FHIT: variants seen among roughly 807,000 people sequenced by gnomAD.
FHIT encodes the protein bis(5'-adenosyl)-triphosphatase.
FHIT carries 19 observed loss-of-function variants against 17.9 expected under a neutral mutation model. That is an observed-to-expected ratio of 1.06 (90% CI 0.74 to 1.56). The LOEUF (loss-of-function observed/expected upper bound fraction) is 1.56. FHIT is among the 40% of genes most tolerant of loss of function. FHIT has a pLI of 0.00. For missense variants in FHIT, 248 were observed against 189.2 expected (o/e 1.31, Z -1.82); for synonymous variants, 81 against 69.7 (o/e 1.16, Z -0.81).
At chr3:60,789,141 GAT>G (rs1491311891) in intron 4 of FHIT, among the ~76,000 whole-genome samples, 6,622 of 117,678 alleles carry the variant, frequency 0.056, 303 homozygotes, top group African/African-American at 0.15. Flanking sequence ...TATAGAGAGA[GAT>G]GTGTGTGTGT....
intron 2 of FHIT, among the ~76,000 whole-genome samples, chr3:61,047,921 T>TA (rs2033873944): frequency 6.9e-6 from 1 of 145,788 alleles, no homozygotes; most frequent in Non-Finnish European, 1.5e-5. Context: ...TGGCTAGCCA[T>TA]ATGTAGAAAG....
At chr3:60,671,970 T>C (rs62251496) in intron 4 of FHIT, among the ~76,000 whole-genome samples, 10,108 of 152,060 alleles carry the variant, frequency 0.066, 462 homozygotes, top group African/African-American at 0.13. Flanking sequence ...ATTGGAATTA[T>C]TATTTGTTCT....
intron 3 of FHIT, among the ~76,000 whole-genome samples, chr3:60,846,968 T>A (rs1246669785): frequency 6.6e-6 from 1 of 151,928 alleles, no homozygotes; most frequent in Non-Finnish European, 1.5e-5. Flanking sequence ...GGATTACAGG[T>A]ATGCACCACA....
chr3:60,342,011 T>C (rs1052246069), intron 5 of FHIT, among the ~76,000 whole-genome samples: 2 of 152,020 alleles, frequency 1.3e-5, no homozygotes, highest in African/African-American at 4.8e-5. Flanking sequence ...GAAAAAAAAC[T>C]CTCAGCAAAG....
chr3:60,138,661 T>C (rs2361340), intron 5 of FHIT, among the ~76,000 whole-genome samples: 115,166 of 151,796 alleles, frequency 0.76, 44,453 homozygotes, highest in Middle Eastern at 0.86. Flanking sequence ...AGAGGTAAGT[T>C]TGTTTTTCAG....
chr3:60,774,938 T>C (rs2108082281), intron 4 of FHIT, among the ~76,000 whole-genome samples: 1 of 152,302 alleles, frequency 6.6e-6, no homozygotes, highest in South Asian at 2.1e-4. Flanking sequence ...TTTAACATTT[T>C]TAGATCGAGT....
intron 3 of FHIT, among the ~76,000 whole-genome samples, chr3:60,896,112 G>A (rs1705808420): frequency 6.6e-6 from 1 of 152,234 alleles, no homozygotes; most frequent in South Asian, 2.1e-4. Flanking sequence ...TACTCATTAT[G>A]AGAATCTAAC....
chr3:59,889,439 T>A (rs1337006567), intron 8 of FHIT, among the ~76,000 whole-genome samples: 1 of 152,180 alleles, frequency 6.6e-6, no homozygotes, highest in Non-Finnish European at 1.5e-5. Context: ...AGGAAAACTA[T>A]CCTCAGATAA....
chr3:60,538,845 A>G (rs1576837683), intron 4 of FHIT, among the ~76,000 whole-genome samples: 1 of 152,316 alleles, frequency 6.6e-6, no homozygotes, highest in East Asian at 1.9e-4. Context: ...ACCCTAGAAG[A>G]AAACCTAGGC....
At chr3:61,101,447 G>A (rs974982316) in intron 2 of FHIT, among the ~76,000 whole-genome samples, 20 of 152,172 alleles carry the variant, frequency 1.3e-4, no homozygotes, top group African/African-American at 4.3e-4. Flanking sequence ...GTACCGTGAT[G>A]TTTTGGTTAC....
intron 4 of FHIT, among the ~76,000 whole-genome samples, chr3:60,654,542 G>A (rs1456621537): frequency 6.8e-6 from 1 of 147,780 alleles, no homozygotes; most frequent in African/African-American, 2.5e-5. Flanking sequence ...CTCAGAAAAG[G>A]CAATAGGACA....
chr3:60,014,772 T>C (rs916571910), intron 5 of FHIT, among the ~76,000 whole-genome samples: 2 of 152,198 alleles, frequency 1.3e-5, no homozygotes, highest in Non-Finnish European at 2.9e-5. Flanking sequence ...ATTTTTTTTT[T>C]AGAATCCAAA....
chr3:60,242,640 T>G (rs1705190949), intron 5 of FHIT, among the ~76,000 whole-genome samples: 1 of 152,012 alleles, frequency 6.6e-6, no homozygotes, highest in South Asian at 2.1e-4. Flanking sequence ...CATCAGTAAC[T>G]ATATTATTTA....
intron 8 of FHIT, among the ~76,000 whole-genome samples, chr3:59,868,735 T>C (rs1355558788): frequency 6.6e-6 from 1 of 152,306 alleles, no homozygotes; most frequent in South Asian, 2.1e-4. Context: ...TGACTTCCTG[T>C]TCATCAGGGG....
chr3:60,387,426 T>C (rs1338160993), intron 5 of FHIT, among the ~76,000 whole-genome samples: 1 of 152,198 alleles, frequency 6.6e-6, no homozygotes, highest in Non-Finnish European at 1.5e-5. Context: ...AAAATAAATG[T>C]GAGAGGACAG....
chr3:61,136,221 G>A (rs1012459573), intron 2 of FHIT, among the ~76,000 whole-genome samples: 16 of 151,194 alleles, frequency 1.1e-4, no homozygotes, highest in African/African-American at 3.2e-4. Context: ...CCGTCACCAC[G>A]CCCCCACCCC....
At chr3:60,080,490 C>T (rs1469658939) in intron 5 of FHIT, among the ~76,000 whole-genome samples, 1 of 152,136 alleles carries the variant, frequency 6.6e-6, no homozygotes, top group African/African-American at 2.4e-5. Flanking sequence ...CTGAGATTTA[C>T]TCTGCCTTGC....
intron 4 of FHIT, among the ~76,000 whole-genome samples, chr3:60,634,898 T>C (rs2039541401): frequency 6.6e-6 from 1 of 152,172 alleles, no homozygotes; most frequent in Admixed American, 6.5e-5. Context: ...CCATCTCTAT[T>C]TCCCAGGCTG....
intron 3 of FHIT, among the ~76,000 whole-genome samples, chr3:61,008,983 A>G (rs1253948703): frequency 2.6e-5 from 4 of 152,174 alleles, no homozygotes; most frequent in Non-Finnish European, 5.9e-5. Context: ...TCGATAGTTC[A>G]CACAGTCTTA....
Sources: allele counts gnomAD v4.1 joint callset (sites outside exome capture counted in the v4.1 genomes callset), GRCh38; gene constraint gnomAD v4.1.1; transcripts MANE v1.5; gene names NCBI Gene and HGNC (gene_info 2026-07-23, HGNC 2026-07-21).